Variants in ANKRD44 observed in about 807,000 individuals in gnomAD.
ANKRD44 encodes the protein serine/threonine-protein phosphatase 6 regulatory ankyrin repeat subunit B.
A neutral mutation model predicts 116.0 loss-of-function variants in ANKRD44; 35 were observed. The ratio of observed to expected loss-of-function variants is 0.30; its 90% confidence interval spans 0.23 to 0.40. ANKRD44 has a LOEUF of 0.40. ANKRD44 is among the 10% of genes least tolerant of loss of function. ANKRD44 has a pLI of 1.00. For synonymous variants in ANKRD44, 435 were observed against 461.8 expected (o/e 0.94, Z 0.74); for missense variants, 1,014 against 1,242.6 (o/e 0.82, Z 2.77).
At chr2:196,996,130 G>A (rs2076007445) in intron 25 of ANKRD44, among the ~76,000 whole-genome samples, 1 of 152,190 alleles carries the variant, frequency 6.6e-6, no homozygotes, top group Non-Finnish European at 1.5e-5. Flanking sequence ...TAATCAACAT[G>A]TGGCGTGCAG....
At position 196,988,606 on chromosome 2, in the gene ANKRD44, T is replaced by A. The variant is rs2075865786; in HGVS notation, c.*985A>T. 1.0e-6 allele frequency: 1 copy of A among 983,522 alleles called. No homozygotes were observed. Among genetic ancestry groups the A allele is most frequent in the Non-Finnish European group, 1.2e-6 (1 of 828,178 alleles). 60.9% of individuals were successfully genotyped at this position (983,522 alleles called of 1,614,324 possible). A position where few individuals can be genotyped will look rare whatever the true frequency, so the allele number is the denominator to read the frequency against. On this transcript the variant is annotated 3_prime_UTR_variant, in exon 28 of 28. Coordinates refer to ENST00000282272, the MANE Select transcript of ANKRD44 (RefSeq NM_001195144.2). ...ATGAAAAATATAATACAGTTATCTGTCTTTGATCCAGATATGATAGAACAT... is the reference window on the plus strand; with the variant it reads ...ATGAAAAATATAATACAGTTATCTGACTTTGATCCAGATATGATAGAACAT...
intron 1 of ANKRD44, among the ~76,000 whole-genome samples, chr2:197,244,853 T>A (rs991557843): frequency 2.0e-5 from 3 of 152,238 alleles, no homozygotes; most frequent in East Asian, 3.8e-4. Context: ...TATAAGTGGG[T>A]GACCCTGTGG....
chr2:197,017,958 A>G (rs939005185), intron 17 of ANKRD44, among the ~76,000 whole-genome samples: 1 of 152,230 alleles, frequency 6.6e-6, no homozygotes, highest in Non-Finnish European at 1.5e-5. Context: ...GCTAACTCAC[A>G]TGGAGATGTC....
chr2:197,026,050 A>AAAAAC (rs2076587673), intron 16 of ANKRD44, among the ~76,000 whole-genome samples: 1 of 149,172 alleles, frequency 6.7e-6, no homozygotes. Flanking sequence ...AAAGAAACAA[A>AAAAAC]AAAAAAAAAA....
At chr2:197,225,712 T>A (rs1231892251) in intron 1 of ANKRD44, among the ~76,000 whole-genome samples, 3 of 152,198 alleles carry the variant, frequency 2.0e-5, no homozygotes, top group Admixed American at 6.5e-5. Flanking sequence ...GAAGAATAAT[T>A]TACTTTTAGA....
At chr2:197,269,804 A>G (rs955543117) in intron 1 of ANKRD44, among the ~76,000 whole-genome samples, 2 of 152,204 alleles carry the variant, frequency 1.3e-5, no homozygotes, top group African/African-American at 2.4e-5. Context: ...TGGGTACAGG[A>G]GGCTTCGGAG....
intron 1 of ANKRD44, among the ~76,000 whole-genome samples, chr2:197,263,764 G>A (rs995190706): frequency 2.7e-5 from 4 of 149,930 alleles, no homozygotes; most frequent in African/African-American, 4.9e-5. Flanking sequence ...TCACTATTCC[G>A]GTGTAGCAGA....
chr2:197,019,462 C>A (rs1443560901), intron 17 of ANKRD44, among the ~76,000 whole-genome samples: 1 of 152,198 alleles, frequency 6.6e-6, no homozygotes, highest in Non-Finnish European at 1.5e-5. Context: ...ATTCTCACAA[C>A]AACCTATGCT....
At chr2:197,205,897 G>A (rs2081194957) in intron 1 of ANKRD44, among the ~76,000 whole-genome samples, 1 of 152,132 alleles carries the variant, frequency 6.6e-6, no homozygotes, top group African/African-American at 2.4e-5. Flanking sequence ...AGATCAGAGG[G>A]AGCCTAAGCC....
intron 16 of ANKRD44, among the ~76,000 whole-genome samples, chr2:197,045,500 C>T (rs2076985953): frequency 6.6e-6 from 1 of 152,166 alleles, no homozygotes; most frequent in East Asian, 1.9e-4. Context: ...GTTATTCATT[C>T]ATAGCCTAAA....
intron 8 of ANKRD44, among the ~76,000 whole-genome samples, chr2:197,118,077 G>T (rs1001125966): frequency 6.6e-6 from 1 of 151,810 alleles, no homozygotes; most frequent in Non-Finnish European, 1.5e-5. Flanking sequence ...GCAGGGCGTG[G>T]TGGCGTACAC....
chr2:197,129,584 T>G (rs2079053495), intron 4 of ANKRD44, among the ~76,000 whole-genome samples: 1 of 152,110 alleles, frequency 6.6e-6, no homozygotes, highest in African/African-American at 2.4e-5. Flanking sequence ...GATGCAGAAA[T>G]AATAGAAAGG....
At chr2:196,979,724 G>A (rs1574212559) in intron 21 of ANKRD44, among the ~76,000 whole-genome samples, 3 of 151,620 alleles carry the variant, frequency 2.0e-5, no homozygotes, top group East Asian at 2.0e-4. Flanking sequence ...CACCACACCC[G>A]GCTAATTTTG....
chr2:197,036,654 C>T (rs902903054), intron 16 of ANKRD44, among the ~76,000 whole-genome samples: 2 of 152,138 alleles, frequency 1.3e-5, no homozygotes, highest in African/African-American at 2.4e-5. Flanking sequence ...TTATCTCCAC[C>T]CTCCAGTGTG....
intron 2 of ANKRD44, among the ~76,000 whole-genome samples, chr2:197,168,364 T>C: frequency 6.6e-6 from 1 of 152,246 alleles, no homozygotes; most frequent in East Asian, 1.9e-4. Flanking sequence ...TGAATTATTA[T>C]AGAAAGACAA....
chr2:197,029,483 A>G, intron 16 of ANKRD44: 1 of 435,118 alleles, frequency 2.3e-6, no homozygotes, highest in Non-Finnish European at 4.5e-6. Flanking sequence ...AGAGGGAAGC[A>G]GCTTTATGCC....
chr2:197,108,266 T>A (rs2078480411), intron 9 of ANKRD44, among the ~76,000 whole-genome samples: 1 of 152,170 alleles, frequency 6.6e-6, no homozygotes, highest in South Asian at 2.1e-4. Flanking sequence ...CATAGTACCT[T>A]TTTCTCATAG....
intron 16 of ANKRD44, among the ~76,000 whole-genome samples, chr2:197,063,812 C>A (rs1204165320): frequency 1.3e-5 from 2 of 152,094 alleles, no homozygotes; most frequent in Non-Finnish European, 1.5e-5. Context: ...GTGAAAAGAC[C>A]AAATCTACGT....
chr2:197,210,995 G>A (rs2081312027), intron 1 of ANKRD44, among the ~76,000 whole-genome samples: 2 of 152,102 alleles, frequency 1.3e-5, no homozygotes, highest in African/African-American at 2.4e-5. Context: ...GTATGTAGAC[G>A]CCACTGTGCA....
Sources: gnomAD v4.1 joint callset for allele counts (sites outside exome capture counted in the v4.1 genomes callset) on GRCh38, gnomAD v4.1.1 for gene constraint, MANE v1.5 for transcripts, NCBI Gene and HGNC (gene_info 2026-07-23, HGNC 2026-07-21) for gene names.